NXPH1: variants seen among roughly 807,000 people sequenced by gnomAD.
NXPH1 encodes the protein neurexophilin 1.
Under a neutral mutation model 23.7 loss-of-function variants are expected in NXPH1, and 5 were observed. The ratio of observed to expected loss-of-function variants is 0.21; its 90% CI spans 0.11 to 0.44. The LOEUF is 0.44. Among genes scored for constraint, NXPH1 ranks in the 20% least tolerant of loss-of-function variants. The pLI, the probability that NXPH1 is intolerant of heterozygous loss-of-function variation, is 0.99. For synonymous variants in NXPH1, 144 were observed against 122.2 expected, an observed-to-expected ratio of 1.18 and a Z score of -1.18; for missense variants, 324 against 321.6, an observed-to-expected ratio of 1.01 and a Z score of -0.06.
At chr7:8,522,684 A>G (rs1261161528) in intron 2 of NXPH1, among the ~76,000 whole-genome samples, 1 of 152,120 alleles carries the variant, frequency 6.6e-6, no homozygotes, top group Non-Finnish European at 1.5e-5. Context: ...TAATTTTCCT[A>G]TTTAAAGGCT....
chr7:8,658,845 G>T (rs572759095), intron 2 of NXPH1, among the ~76,000 whole-genome samples: 1 of 152,264 alleles, frequency 6.6e-6, no homozygotes, highest in Admixed American at 6.5e-5. Flanking sequence ...AGGTAGAATA[G>T]ATGATTTTGG....
chr7:8,620,760 C>T (rs1178193153), intron 2 of NXPH1, among the ~76,000 whole-genome samples: 6 of 152,196 alleles, frequency 3.9e-5, no homozygotes, highest in Non-Finnish European at 4.4e-5. Flanking sequence ...AAGTTACCGT[C>T]ACTAAAAATC....
chr7:8,544,795 T>C (rs970334906), intron 2 of NXPH1, among the ~76,000 whole-genome samples: 2 of 151,638 alleles, frequency 1.3e-5, no homozygotes, highest in African/African-American at 4.8e-5. Context: ...CATGAAGCAT[T>C]TGTTTTGCAG....
chr7:8,726,946 C>G (rs1232571891), intron 2 of NXPH1, among the ~76,000 whole-genome samples: 1 of 149,804 alleles, frequency 6.7e-6, no homozygotes, highest in African/African-American at 2.5e-5. Flanking sequence ...GTTTACAGTC[C>G]CACCAACAGT....
chr7:8,747,337 G>T (rs866616735), intron 2 of NXPH1, among the ~76,000 whole-genome samples: 2 of 152,136 alleles, frequency 1.3e-5, no homozygotes, highest in Non-Finnish European at 2.9e-5. Context: ...TCTGTCAGAG[G>T]AGTCTTAGCA....
At chr7:8,570,791 G>A (rs1236899535) in intron 2 of NXPH1, among the ~76,000 whole-genome samples, 2 of 151,818 alleles carry the variant, frequency 1.3e-5, no homozygotes, top group African/African-American at 4.8e-5. Context: ...CTTTGGAATG[G>A]AAAGGAACAG....
chr7:8,717,743 A>G (rs1240981195), intron 2 of NXPH1, among the ~76,000 whole-genome samples: 1 of 152,178 alleles, frequency 6.6e-6, no homozygotes, highest in Non-Finnish European at 1.5e-5. Context: ...CCACCTGTGA[A>G]TATAGTTTAA....
At chr7:8,643,890 A>C (rs1166215115) in intron 2 of NXPH1, among the ~76,000 whole-genome samples, 3 of 152,104 alleles carry the variant, frequency 2.0e-5, no homozygotes, top group African/African-American at 7.2e-5. Context: ...ACCAATCTAA[A>C]TATTCATATT....
At chr7:8,542,762 G>A (rs1026847522) in intron 2 of NXPH1, among the ~76,000 whole-genome samples, 1 of 151,454 alleles carries the variant, frequency 6.6e-6, no homozygotes, top group Non-Finnish European at 1.5e-5. Context: ...CTCACCTCAG[G>A]AGGAAAAATT....
intron 2 of NXPH1, among the ~76,000 whole-genome samples, chr7:8,592,856 T>C (rs1256397937): frequency 6.6e-6 from 1 of 151,296 alleles, no homozygotes; most frequent in Non-Finnish European, 1.5e-5. Flanking sequence ...GTTCCAACCA[T>C]TTAACAATGT....
chr7:8,572,985 T>C (rs1253309867), intron 2 of NXPH1, among the ~76,000 whole-genome samples: 2 of 151,982 alleles, frequency 1.3e-5, no homozygotes, highest in Non-Finnish European at 2.9e-5. Context: ...AGGAATTTTG[T>C]AGAGGGGAGT....
chr7:8,573,406 C>A (rs1460070218), intron 2 of NXPH1, among the ~76,000 whole-genome samples: 1 of 152,012 alleles, frequency 6.6e-6, no homozygotes, highest in African/African-American at 2.4e-5. Flanking sequence ...ATACATACTA[C>A]CGAACTACTT....
chr7:8,710,191 G>A (rs957896376), intron 2 of NXPH1, among the ~76,000 whole-genome samples: 1 of 152,220 alleles, frequency 6.6e-6, no homozygotes, highest in Non-Finnish European at 1.5e-5. Flanking sequence ...TTGATTAGAA[G>A]AGGAGGGGTC....
intron 2 of NXPH1, among the ~76,000 whole-genome samples, chr7:8,658,231 T>C (rs1186467254): frequency 6.6e-6 from 1 of 152,236 alleles, no homozygotes; most frequent in East Asian, 1.9e-4. Flanking sequence ...ACTTATATAT[T>C]AATACACTCT....
intron 2 of NXPH1, among the ~76,000 whole-genome samples, chr7:8,571,021 CTAA>C (rs1818634628): frequency 2.4e-3 from 4 of 1,648 alleles, no homozygotes; most frequent in Non-Finnish European, 4.2e-3. Context: ...GTCTGTCTAT[CTAA>C]TCTAATCTAA....
At chr7:8,655,568 A>ATG (rs36170352) in intron 2 of NXPH1, among the ~76,000 whole-genome samples, 650 of 37,588 alleles carry the variant, frequency 0.017, 178 homozygotes, top group African/African-American at 0.013. Flanking sequence ...GTGTAAATGC[A>ATG]TGTGTGTGTG....
intron 2 of NXPH1, among the ~76,000 whole-genome samples, chr7:8,632,820 T>A (rs2115135625): frequency 6.6e-6 from 1 of 152,312 alleles, no homozygotes; most frequent in South Asian, 2.1e-4. Context: ...TTTGAATATA[T>A]CTTTCTAGAA....
In NXPH1 at chr7:8,484,608, G is replaced by T. The variant is rs1817128181; in HGVS notation, c.54+48841G>T. On this transcript the variant is annotated intron_variant, in intron 2 of 2. Transcript: ENST00000405863. ...TAACCACTTCATAAGTTGCTTAAGG[G>T]TTATTTATTTACTGAACTTGTTTGA... Among the ~76,000 whole-genome samples the T allele has an allele frequency of 2.6e-5, 4 of 152,200 alleles. No individual in the cohort carries two copies. The South Asian group carries it at 8.3e-4, about 32-fold the overall frequency.
chr7:8,648,800 T>C (rs1820437440), intron 2 of NXPH1, among the ~76,000 whole-genome samples: 1 of 152,190 alleles, frequency 6.6e-6, no homozygotes, highest in Non-Finnish European at 1.5e-5. Flanking sequence ...AATTACTAAA[T>C]GAGGGCCCTT....
Sources: allele counts gnomAD v4.1 joint callset (sites outside exome capture counted in the v4.1 genomes callset), GRCh38; gene constraint gnomAD v4.1.1; transcripts MANE v1.5; gene names NCBI Gene and HGNC (gene_info 2026-07-23, HGNC 2026-07-21).